Variants in RBP4 observed in about 807,000 individuals in gnomAD.
RBP4 encodes the protein retinol binding protein 4, also known as retinol-binding protein 4.
Under a neutral mutation model 26.2 loss-of-function variants are expected in RBP4, and 9 were observed. The observed-to-expected ratio is 0.34, with a 90% CI of 0.21 to 0.60. RBP4 has a LOEUF of 0.60. Ranked by LOEUF, RBP4 falls within the 20% of genes least tolerant of loss-of-function variation. The pLI is 0.80. For missense variants in RBP4, 244 were observed against 271.3 expected, an observed-to-expected ratio of 0.90 and a Z score of 0.71; for synonymous variants, 114 against 111.0, an observed-to-expected ratio of 1.03 and a Z score of -0.17.
upstream of RBP4, chr10:93,601,742 G>A: frequency 1.3e-6 from 1 of 774,032 alleles, no homozygotes; most frequent in Non-Finnish European, 2.4e-6. Flanking sequence ...TTTTATAAAG[G>A]ATGTATTTTA....
chr10:93,594,396 C>G (rs1388441494), intron 4 of RBP4, among the ~76,000 whole-genome samples: 1 of 152,146 alleles, frequency 6.6e-6, no homozygotes, highest in African/African-American at 2.4e-5. Context: ...ACCATCTACT[C>G]TCCAATAATA....
At position 93,600,674 on chromosome 10, in the gene RBP4, G is replaced by A; in HGVS notation, c.241C>T (p.Leu81Phe). ...GCCCCGGCGGCCACTGACTTCAAAAGACGGACTCGGCCCTTGGCTGTGGCG... is the reference window on the plus strand; with the variant it reads ...GCCCCGGCGGCCACTGACTTCAAAAAACGGACTCGGCCCTTGGCTGTGGCG... ...MSATAKGRVR[L>F]LNNWDVCADM... is the part of the protein sequence containing the mutation. Residue 81 changes from leucine (L) to phenylalanine (F), a missense_variant, in exon 3 of 6, where the codon CTT becomes TTT. Physicochemically the swap from Leu to Phe is conservative, Grantham distance 22 (BLOSUM62 0). Transcript: ENST00000371464. 1.2e-6 allele frequency: 2 copies of A among 1,611,840 alleles called. No homozygotes were observed. The highest frequency in any genetic ancestry group is 1.7e-6 in the Non-Finnish European group (2 of 1,179,186).
upstream of RBP4, chr10:93,601,601 G>T: frequency 1.4e-6 from 1 of 740,480 alleles, no homozygotes; most frequent in East Asian, 2.5e-5. Flanking sequence ...CTCACAGAGC[G>T]AGAGCGGACC....
chr10:93,600,535 C>CA lies in RBP4; in HGVS notation c.249-37dup, dbSNP rs758074878. 9 of 1,612,968 alleles carry CA rather than the reference C, an allele frequency of 5.6e-6. No homozygotes were observed. In the Admixed American group the frequency reaches 1.3e-4, roughly 24 times the overall value. ...CAAGGGGATCCTCAGCCAAGCCGGGCAAAGGGCTTCCTCCCTCCCTCCACC... is the reference window on the plus strand; with the variant it reads ...CAAGGGGATCCTCAGCCAAGCCGGGCAAAAGGGCTTCCTCCCTCCCTCCACC... On this transcript the variant is annotated intron_variant, in intron 3 of 5. Coordinates refer to ENST00000371464, the MANE Select transcript of RBP4 (RefSeq NM_006744.4).
intron 4 of RBP4, among the ~76,000 whole-genome samples, chr10:93,595,805 G>A (rs2058299242): frequency 6.6e-6 from 1 of 152,250 alleles, no homozygotes; most frequent in Admixed American, 6.5e-5. Flanking sequence ...AGGAGTGGGT[G>A]TGGAGCCCCT....
intron 4 of RBP4, among the ~76,000 whole-genome samples, chr10:93,599,945 C>T (rs1353454104): frequency 6.6e-6 from 1 of 152,130 alleles, no homozygotes; most frequent in Non-Finnish European, 1.5e-5. Context: ...GAGGCATCCA[C>T]CCCTATGCAC....
intron 4 of RBP4, 83 bp downstream of exon 4, chr10:93,600,310 A>C: frequency 2.5e-5 from 28 of 1,120,980 alleles, no homozygotes; most frequent in Non-Finnish European, 3.7e-5. Flanking sequence ...TCCTAAGGGT[A>C]GGTACCTCTG....
At chr10:93,593,004 G>A (rs1176251258) in intron 5 of RBP4, among the ~76,000 whole-genome samples, 1 of 152,096 alleles carries the variant, frequency 6.6e-6, no homozygotes. Context: ...TTTTAGTAGA[G>A]ATGGGGTTTT....
At chr10:93,595,222 A>G (rs1382762466) in intron 4 of RBP4, among the ~76,000 whole-genome samples, 1 of 152,162 alleles carries the variant, frequency 6.6e-6, no homozygotes, top group African/African-American at 2.4e-5. Flanking sequence ...ATTGAGATAA[A>G]AGTGCCACAT....
chr10:93,601,662 G>T (rs1312755502), upstream of RBP4: 1 of 778,666 alleles, frequency 1.3e-6, no homozygotes, highest in Non-Finnish European at 2.4e-6. Flanking sequence ...TGCCAAATTG[G>T]CGCCTCCGTC....
rs897530870 is a variant in RBP4 at position 93,593,504 on chromosome 10, A to G, written c.568+319T>C. Among the ~76,000 whole-genome samples, 7 of 152,090 alleles carry G rather than the reference A, an allele frequency of 4.6e-5. No individual in the cohort carries two copies. The South Asian group carries it at 1.0e-3, about 23-fold the overall frequency. ...CCCAAACAATCTTAATTCAGTCACAATGGTTTTTTGGGGCAGTGTAGCCAG... is the reference window on the plus strand; with the variant it reads ...CCCAAACAATCTTAATTCAGTCACAGTGGTTTTTTGGGGCAGTGTAGCCAG... On this transcript the variant is annotated intron_variant, in intron 5 of 5. Transcript: ENST00000371464.
chr10:93,600,521 TCAGCCAAGCCGGG>T, intron 3 of RBP4, 22 bp from the exon 4 acceptor site: 1 of 1,613,900 alleles, frequency 6.2e-7, no homozygotes, highest in Non-Finnish European at 8.5e-7. Context: ...AAGGGGATCC[TCAGCCAAGCCGGG>T]CAAAGGGCTT....
chr10:93,592,023 A>G lies in RBP4; in HGVS notation c.*52T>C. On this transcript the variant is annotated 3_prime_UTR_variant, in exon 6 of 6. Coordinates refer to ENST00000371464, the MANE Select transcript of RBP4 (RefSeq NM_006744.4). ...TAAACTCCTAAGATAAATAGAGCTG[A>G]AGACTGAGAGCTAATCAGAAGTTCT... 6.8e-7 allele frequency: 1 copy of G among 1,462,000 alleles called. No individual in the cohort carries two copies. The highest frequency in any genetic ancestry group is 1.1e-5 in the South Asian group (1 of 87,916). 90.6% of individuals were successfully genotyped at this position (1,462,000 alleles called of 1,614,324 possible).
In RBP4 at chr10:93,594,423, C is replaced by G. The variant is rs557522647; in HGVS notation, c.356-388G>C. ...CCAATAATATCTGTGTCTTTTGTGGCTAATATCTGATGGCCACCAACTTAT... is the reference window on the plus strand; with the variant it reads ...CCAATAATATCTGTGTCTTTTGTGGGTAATATCTGATGGCCACCAACTTAT... On this transcript the variant is annotated intron_variant, in intron 4 of 5. Coordinates refer to ENST00000371464, the MANE Select transcript of RBP4 (RefSeq NM_006744.4). Among the ~76,000 whole-genome samples, 5 of 152,248 alleles carry G rather than the reference C, an allele frequency of 3.3e-5. No individual in the cohort carries two copies. The South Asian group carries it at 8.3e-4, about 25-fold the overall frequency.
intron 5 of RBP4, 42 bp from the exon 6 acceptor site, chr10:93,592,154 C>T: frequency 6.3e-7 from 1 of 1,588,178 alleles, no homozygotes; most frequent in Non-Finnish European, 8.6e-7. Context: ...AGAAAGTGGA[C>T]CCAGTTTTTA....
chr10:93,594,135 G>C, intron 4 of RBP4, 100 bp from the exon 5 acceptor site: 1 of 1,151,702 alleles, frequency 8.7e-7, no homozygotes, highest in Admixed American at 1.8e-5. Flanking sequence ...GTGACTTCCA[G>C]AAGCTGGTTT....
At chr10:93,601,676 C>T (rs1202659616), upstream of RBP4, 2 of 779,018 alleles carry the variant, frequency 2.6e-6, no homozygotes, top group South Asian at 2.7e-5. Context: ...CTCCGTCTGC[C>T]TTCTGAGGTC....
chr10:93,593,840 C>T lies in RBP4; in HGVS notation c.551G>A (p.Arg184Lys), dbSNP rs1483104291. 6.2e-7 allele frequency: 1 copy of T among 1,612,096 alleles called. No individual in the cohort carries two copies. The highest frequency in any genetic ancestry group is 8.5e-7 in the Non-Finnish European group (1 of 1,179,904). ...TGACTCACCGTTGTGGACGATCAGC[C>T]TGTACTGCCTGGCCAGGCACAGCTC... ...QEELCLARQY[R>K]LIVHNGYCDG... The change falls in exon 5 of 6, where the codon AGG (arginine) becomes AAG (lysine). Residue 184 changes from arginine (R) to lysine (K), a missense_variant. By Grantham distance (26) the Arg-to-Lys change is conservative (BLOSUM62 2). Transcript: ENST00000371464.
intron 5 of RBP4, among the ~76,000 whole-genome samples, chr10:93,592,941 G>A (rs544020389): frequency 2.0e-5 from 3 of 151,900 alleles, no homozygotes; most frequent in East Asian, 1.9e-4. Context: ...CCTCAACCTC[G>A]TGAGCAGCTG....
Sources: allele counts gnomAD v4.1 joint callset (sites outside exome capture counted in the v4.1 genomes callset), GRCh38; gene constraint gnomAD v4.1.1; transcripts MANE v1.5; gene names NCBI Gene and HGNC (gene_info 2026-07-23, HGNC 2026-07-21).